Variants in SLC26A7 observed in about 807,000 individuals in gnomAD.
The protein encoded by SLC26A7 is anion exchange transporter.
SLC26A7 carries 59 observed loss-of-function variants against 82.5 expected under a neutral mutation model. The observed-to-expected ratio is 0.72, with a 90% CI of 0.58 to 0.89. SLC26A7 has a LOEUF of 0.89. SLC26A7 is among the 40% of genes least tolerant of loss of function. The pLI, the probability that SLC26A7 is intolerant of heterozygous loss-of-function variation, is 0.00. For missense variants in SLC26A7, 820 were observed against 793.0 expected, an observed-to-expected ratio of 1.03 and a Z score of -0.41; for synonymous variants, 271 against 274.3, an observed-to-expected ratio of 0.99 and a Z score of 0.12.
At chr8:91,267,266 C>T (rs1436230724) in intron 2 of SLC26A7, among the ~76,000 whole-genome samples, 1 of 151,804 alleles carries the variant, frequency 6.6e-6, no homozygotes, top group Non-Finnish European at 1.5e-5. Flanking sequence ...GTAATGCTAG[C>T]CTCATAGAAT....
In SLC26A7 at chr8:91,352,942, G is replaced by A. The variant is rs1385685670; in HGVS notation, c.1260G>A (p.Met420Ile). Residue 420 changes from methionine to isoleucine, a missense_variant, in exon 11 of 19, where the codon ATG (methionine) becomes ATA (isoleucine). Transcript: ENST00000276609. The stretch of plus-strand genomic sequence containing the variant: ...TTATTGTTGTGGGACTGAAGGGAAT[G>A]CTAATACAGTTCCGAGATTTAAAAA... ...ASIIVVGLKG[M>I]LIQFRDLKKY... The A allele has an allele frequency of 1.2e-6, 2 of 1,608,742 alleles. No individual in the cohort carries two copies. Among genetic ancestry groups the A allele is most frequent in the Admixed American group, 3.4e-5 (2 of 59,142 alleles).
chr8:91,216,067 A>T (rs1341253311), intron 1 of SLC26A7, among the ~76,000 whole-genome samples: 1 of 152,220 alleles, frequency 6.6e-6, no homozygotes, highest in African/African-American at 2.4e-5. Context: ...TCTAGAAAAC[A>T]ATTCATAGCC....
upstream of SLC26A7, among the ~76,000 whole-genome samples, chr8:91,244,929 G>T (rs1009373716): frequency 2.6e-5 from 4 of 152,096 alleles, no homozygotes; most frequent in Non-Finnish European, 5.9e-5. Flanking sequence ...ACACACTAAA[G>T]AAACTATTGG....
At chr8:91,250,245 A>C (rs1433496795) in intron 2 of SLC26A7, among the ~76,000 whole-genome samples, 1 of 152,114 alleles carries the variant, frequency 6.6e-6, no homozygotes, top group East Asian at 1.9e-4. Context: ...GCACACAATT[A>C]CCTGTTGTAG....
At chr8:91,286,236 A>G (rs1811706894) in intron 2 of SLC26A7, among the ~76,000 whole-genome samples, 1 of 152,208 alleles carries the variant, frequency 6.6e-6, no homozygotes, top group Admixed American at 6.5e-5. Context: ...GCAAATGTTC[A>G]GTTTCACACT....
intron 10 of SLC26A7, 75 bp from the exon 11 acceptor site, chr8:91,352,826 A>G (rs1813754629): frequency 8.4e-7 from 1 of 1,191,224 alleles, no homozygotes; most frequent in Admixed American, 2.3e-5. Context: ...CAAAAAAATA[A>G]AAATACCTTA....
intron 16 of SLC26A7, among the ~76,000 whole-genome samples, chr8:91,390,693 G>C (rs1814940682): frequency 6.6e-6 from 1 of 152,020 alleles, no homozygotes; most frequent in South Asian, 2.1e-4. Flanking sequence ...AATTTCTAGA[G>C]TTCTTTCCTC....
chr8:91,394,362 C>T (rs1382306850), intron 18 of SLC26A7: 5 of 1,553,772 alleles, frequency 3.2e-6, no homozygotes, highest in East Asian at 2.3e-5. Flanking sequence ...GACTTGAATC[C>T]ACCTTTCTCA....
intron 11 of SLC26A7, among the ~76,000 whole-genome samples, chr8:91,357,071 G>A (rs1018908279): frequency 1.3e-5 from 2 of 152,146 alleles, no homozygotes; most frequent in African/African-American, 4.8e-5. Context: ...GATTGTAAGT[G>A]ATACAAATGG....
chr8:91,354,891 G>A (rs1013154270), intron 11 of SLC26A7, among the ~76,000 whole-genome samples: 1 of 151,686 alleles, frequency 6.6e-6, no homozygotes, highest in Non-Finnish European at 1.5e-5. Flanking sequence ...GCATTTAGTG[G>A]TTACCTTTAA....
chr8:91,278,416 G>A (rs76628623), intron 2 of SLC26A7, among the ~76,000 whole-genome samples: 13,107 of 152,146 alleles, frequency 0.086, 837 homozygotes, highest in African/African-American at 0.18. Context: ...ATTGTCATAT[G>A]TAGAAGTGTT....
chr8:91,247,849 A>G (rs746197603), upstream of SLC26A7, among the ~76,000 whole-genome samples: 2 of 152,164 alleles, frequency 1.3e-5, no homozygotes, highest in Admixed American at 6.6e-5. Context: ...TATTGTTAAC[A>G]TACGTTAGAA....
In SLC26A7 at chr8:91,397,615, C is replaced by T. The variant is rs1808609490; in HGVS notation, c.*2518C>T. 1 of 152,424 alleles carries T rather than the reference C, an allele frequency of 6.6e-6. No homozygotes were observed. The highest frequency in any genetic ancestry group is 1.5e-5 in the Non-Finnish European group (1 of 67,948). The allele number at this position is 152,424 out of a possible 1,614,324, so 9.4% of individuals were successfully genotyped here. A position where few individuals can be genotyped will look rare whatever the true frequency, so the allele number is the denominator to read the frequency against. On this transcript the variant is annotated 3_prime_UTR_variant, in exon 19 of 19. Coordinates refer to ENST00000276609, the MANE Select transcript of SLC26A7 (RefSeq NM_052832.4). ...ATTACATTTATGCAAATTAAATGCCCTTAAATTTCACCATTTGTCTTTCAT... is the reference window on the plus strand; with the variant it reads ...ATTACATTTATGCAAATTAAATGCCTTTAAATTTCACCATTTGTCTTTCAT...
chr8:91,237,048 T>G (rs554628154), intron 2 of SLC26A7, among the ~76,000 whole-genome samples: 1 of 152,356 alleles, frequency 6.6e-6, no homozygotes, highest in South Asian at 2.1e-4. Context: ...CCAATTTGAC[T>G]GTTACTACTA....
chr8:91,395,198 G>A lies in SLC26A7; in HGVS notation c.*101G>A, dbSNP rs542411533. 1.9e-6 allele frequency: 3 copies of A among 1,581,664 alleles called. No homozygotes were observed. Among genetic ancestry groups the A allele is most frequent in the Non-Finnish European group, 2.6e-6 (3 of 1,165,514 alleles). On this transcript the variant is annotated 3_prime_UTR_variant, in exon 19 of 19. Coordinates refer to ENST00000276609, the MANE Select transcript of SLC26A7 (RefSeq NM_052832.4). ...TTTTGGTTGTTTAGATCCTACAGAT[G>A]ACCTCTGCTACAATAAGTACGATGT...
At chr8:91,265,590 A>G (rs1278405505) in intron 2 of SLC26A7, among the ~76,000 whole-genome samples, 1 of 151,922 alleles carries the variant, frequency 6.6e-6, no homozygotes, top group Non-Finnish European at 1.5e-5. Context: ...TAGACATCCT[A>G]ATTCAGGTGA....
chr8:91,211,288 T>G (rs901663166), intron 1 of SLC26A7, among the ~76,000 whole-genome samples: 3 of 152,046 alleles, frequency 2.0e-5, no homozygotes, highest in African/African-American at 7.2e-5. Context: ...AAGTATATGA[T>G]AGTAAAAAAG....
At chr8:91,241,630 A>G (rs139781575) in intron 2 of SLC26A7, among the ~76,000 whole-genome samples, 5 of 152,266 alleles carry the variant, frequency 3.3e-5, no homozygotes, top group African/African-American at 1.2e-4. Context: ...TTAATTTCTA[A>G]ATAATATACA....
intron 4 of SLC26A7, among the ~76,000 whole-genome samples, chr8:91,309,834 G>C (rs1359981929): frequency 6.6e-6 from 1 of 151,992 alleles, no homozygotes; most frequent in East Asian, 1.9e-4. Flanking sequence ...CTGCATGTAC[G>C]GTGGCTTGCT....
Sources: allele counts gnomAD v4.1 joint callset (sites outside exome capture counted in the v4.1 genomes callset), GRCh38; gene constraint gnomAD v4.1.1; transcripts MANE v1.5; gene names NCBI Gene and HGNC (gene_info 2026-07-23, HGNC 2026-07-21).